AKAP19: variants seen among roughly 807,000 people sequenced by gnomAD.
AKAP19 encodes the protein A-kinase anchoring protein 19.
chr2:190,172,290 T>A, the AKAP19 span, among the ~76,000 whole-genome samples: 5 of 152,212 alleles, frequency 3.3e-5, no homozygotes, highest in Admixed American at 6.5e-5. Context: ...CCCACTATTA[T>A]GCATTTACTA....
At chr2:189,947,460 G>A in the AKAP19 span, among the ~76,000 whole-genome samples, 1 of 152,012 alleles carries the variant, frequency 6.6e-6, no homozygotes, top group East Asian at 1.9e-4. Context: ...TCTAGCACTA[G>A]TAACTAAATT....
At chr2:190,060,102 T>A in the AKAP19 span, 1 of 1,612,798 alleles carries the variant, frequency 6.2e-7, no homozygotes, top group Non-Finnish European at 8.5e-7. Flanking sequence ...TACAGCAAGA[T>A]CATGACCATT....
the AKAP19 span, among the ~76,000 whole-genome samples, chr2:189,992,518 T>A: frequency 1.1e-5 from 1 of 93,758 alleles, no homozygotes; most frequent in Non-Finnish European, 2.1e-5. Flanking sequence ...TCTTTTTGGT[T>A]CCATATAAAT....
the AKAP19 span, among the ~76,000 whole-genome samples, chr2:189,951,446 G>A: frequency 4.4e-3 from 665 of 152,104 alleles, 7 homozygotes; most frequent in Non-Finnish European, 7.4e-3. Flanking sequence ...CAAGTAATCC[G>A]CCCACCTTGG....
chr2:190,180,532 G>A, the AKAP19 span: 5 of 985,702 alleles, frequency 5.1e-6, no homozygotes, highest in Non-Finnish European at 6.0e-6. The surrounding 1 kb of genome is among the most constrained non-coding windows in gnomAD (Gnocchi z 6.8). Flanking sequence ...ATTGACCTTT[G>A]CGGGTCTGTT....
At chr2:190,001,963 C>A in the AKAP19 span, among the ~76,000 whole-genome samples, 1 of 152,188 alleles carries the variant, frequency 6.6e-6, no homozygotes, top group East Asian at 1.9e-4. Flanking sequence ...ATCACTTCCA[C>A]CAACAATGCC....
the AKAP19 span, among the ~76,000 whole-genome samples, chr2:189,901,348 C>CT: frequency 6.6e-6 from 1 of 151,648 alleles, no homozygotes; most frequent in Non-Finnish European, 1.5e-5. Flanking sequence ...TCTTTCTTTT[C>CT]TTTTTTCTGA....
the AKAP19 span, among the ~76,000 whole-genome samples, chr2:190,081,172 G>T: frequency 6.6e-6 from 1 of 152,094 alleles, no homozygotes; most frequent in African/African-American, 2.4e-5. Flanking sequence ...GAAATCAACA[G>T]CCATGCTTTC....
chr2:190,115,117 G>C, the AKAP19 span, among the ~76,000 whole-genome samples: 1 of 144,444 alleles, frequency 6.9e-6, no homozygotes, highest in Non-Finnish European at 1.5e-5. Context: ...CAGGGGATGA[G>C]AGAGAGGGAG....
the AKAP19 span, among the ~76,000 whole-genome samples, chr2:190,011,415 G>A: frequency 6.6e-6 from 1 of 152,198 alleles, no homozygotes; most frequent in Admixed American, 6.5e-5. Flanking sequence ...TTTCTTTGCT[G>A]TGCAGAAGCT....
At chr2:190,185,144 T>G in the AKAP19 span, among the ~76,000 whole-genome samples, 1 of 152,206 alleles carries the variant, frequency 6.6e-6, no homozygotes, top group African/African-American at 2.4e-5. Context: ...GCCTAGAATT[T>G]AATTCAGTGC....
the AKAP19 span, among the ~76,000 whole-genome samples, chr2:190,085,726 A>G: frequency 6.6e-6 from 1 of 152,242 alleles, no homozygotes; most frequent in Non-Finnish European, 1.5e-5. Flanking sequence ...TGTCAATGGA[A>G]AATAGGACAC....
chr2:189,883,645 G>C, the AKAP19 span, among the ~76,000 whole-genome samples: 1 of 151,668 alleles, frequency 6.6e-6, no homozygotes, highest in Admixed American at 6.6e-5. Context: ...AAGCCGGGAG[G>C]GGTAGACTTC....
At chr2:189,966,478 A>G in the AKAP19 span, among the ~76,000 whole-genome samples, 2 of 152,354 alleles carry the variant, frequency 1.3e-5, no homozygotes, top group East Asian at 1.9e-4. Flanking sequence ...ATATTTTGAA[A>G]TGACACAATT....
the AKAP19 span, among the ~76,000 whole-genome samples, chr2:190,012,779 A>G: frequency 6.6e-6 from 1 of 152,172 alleles, no homozygotes; most frequent in African/African-American, 2.4e-5. Flanking sequence ...GTTGATTTCT[A>G]AATTTCTAAA....
chr2:190,196,459 T>C, the AKAP19 span, among the ~76,000 whole-genome samples: 1 of 152,060 alleles, frequency 6.6e-6, no homozygotes, highest in Non-Finnish European at 1.5e-5. Context: ...CTTTATTTTC[T>C]TGGGTATACT....
the AKAP19 span, chr2:190,060,351 T>C: frequency 0.025 from 39,524 of 1,612,488 alleles, 1,911 homozygotes; most frequent in African/African-American, 0.2. Context: ...TAGTTGGGCC[T>C]TTACTACTTT....
chr2:189,993,503 A>T, the AKAP19 span, among the ~76,000 whole-genome samples: 2 of 152,016 alleles, frequency 1.3e-5, no homozygotes, highest in South Asian at 4.1e-4. Context: ...TATTAGGGTG[A>T]TACTGGCTTT....
the AKAP19 span, among the ~76,000 whole-genome samples, chr2:189,943,840 A>G: frequency 6.6e-6 from 1 of 152,224 alleles, no homozygotes. Flanking sequence ...CTGCAGCGTT[A>G]TGAACTTCCG....
Sources: allele counts gnomAD v4.1 joint callset (sites outside exome capture counted in the v4.1 genomes callset), GRCh38; gene constraint gnomAD v4.1.1; non-coding constraint Gnocchi (gnomAD v3.1); transcripts MANE v1.5; gene names NCBI Gene and HGNC (gene_info 2026-07-23, HGNC 2026-07-21).